The following CRTAC1 variants were observed in gnomAD, a reference collection of about 807,000 sequenced individuals.
CRTAC1 encodes cartilage acidic protein 1.
CRTAC1 carries 37 observed loss-of-function variants against 67.8 expected under a neutral mutation model. That is an observed-to-expected ratio of 0.55 (90% CI 0.42 to 0.72). CRTAC1 has a LOEUF of 0.72. CRTAC1 is among the 30% of genes least tolerant of loss of function. The probability of loss-of-function intolerance (pLI) is 0.00; values close to 1 mark genes in which losing one functional copy is unlikely to be tolerated. For missense variants in CRTAC1, 780 were observed against 931.6 expected (o/e 0.84, Z 2.12); for synonymous variants, 348 against 371.0 (o/e 0.94, Z 0.71).
At chr10:97,910,650 C>T (rs184327500) in intron 5 of CRTAC1, among the ~76,000 whole-genome samples, 2 of 152,216 alleles carry the variant, frequency 1.3e-5, no homozygotes, top group African/African-American at 2.4e-5. Flanking sequence ...AGTGACCATG[C>T]TTATTTGAGA....
intron 3 of CRTAC1, among the ~76,000 whole-genome samples, chr10:97,928,572 G>A (rs1235956070): frequency 1.3e-5 from 2 of 152,212 alleles, no homozygotes; most frequent in Non-Finnish European, 2.9e-5. Flanking sequence ...GAGAAAGAAG[G>A]GGACTTGCCT....
intron 4 of CRTAC1, 105 bp from the exon 5 acceptor site, chr10:97,917,761 G>T: frequency 1.1e-6 from 1 of 904,896 alleles, no homozygotes; most frequent in Non-Finnish European, 1.6e-6. Context: ...ACAGGGTTGG[G>T]TTCTTCTCCC....
chr10:98,001,804 A>G (rs1446218758), intron 2 of CRTAC1, among the ~76,000 whole-genome samples: 1 of 152,224 alleles, frequency 6.6e-6, no homozygotes. Context: ...TAACCTCAAA[A>G]GTTTCCTTAG....
chr10:97,865,586 C>A lies in CRTAC1; in HGVS notation c.1948G>T (p.Gly650Trp), dbSNP rs911217411. The change falls in exon 15 of 15, where the codon GGG becomes TGG. Residue 650 changes from glycine (G) to tryptophan (W), a missense_variant. Coordinates refer to ENST00000370597, the MANE Select transcript of CRTAC1 (RefSeq NM_018058.7). ...PVLVDGDLNLGSVVKESCEPS... is the reference protein window; with the variant it reads ...PVLVDGDLNLWSVVKESCEPS... ...TCGCAGCTCTCCTTAACCACCGACC[C>A]CAGATTGAGATCTCCATCTACGAGG... The A allele has an allele frequency of 1.9e-6, 3 of 1,613,194 alleles. No individual in the cohort carries two copies. The highest frequency in any genetic ancestry group is 2.7e-5 in the African/African-American group (2 of 75,060).
chr10:97,971,271 T>C (rs1328182551), intron 2 of CRTAC1, among the ~76,000 whole-genome samples: 4 of 152,334 alleles, frequency 2.6e-5, no homozygotes, highest in Admixed American at 2.6e-4. Context: ...CCCCAATGGA[T>C]GAATGCATAA....
Position 97,895,374 on chromosome 10 carries a change from G to A in CRTAC1, c.1357C>T (p.Arg453Trp), listed in dbSNP as rs777954404. 1.5e-5 allele frequency: 24 copies of A among 1,612,524 alleles called. No homozygotes were observed. The highest frequency in any genetic ancestry group is 2.0e-5 in the Non-Finnish European group (24 of 1,179,488). Residue 453 changes from arginine to tryptophan, a missense_variant, in exon 11 of 15, where the codon CGG becomes TGG. Physicochemically the swap from Arg to Trp is moderately radical, Grantham distance 101 (BLOSUM62 -3). Coordinates refer to ENST00000370597, the MANE Select transcript of CRTAC1 (RefSeq NM_018058.7). The surrounding 1 kb of genome is among the most constrained non-coding windows in gnomAD (Gnocchi z 4.2). ...GCTCCCCTGGCAAAGGCCCCAAACCGGGTGCGTGGCACCACTCGCAGCCAG... is the reference window on the plus strand; with the variant it reads ...GCTCCCCTGGCAAAGGCCCCAAACCAGGTGCGTGGCACCACTCGCAGCCAG... ...NNWLRVVPRT[R>W]FGAFARGAKV... is the part of the protein sequence containing the mutation.
chr10:97,906,863 C>T (rs1481022260), intron 6 of CRTAC1, among the ~76,000 whole-genome samples: 1 of 152,188 alleles, frequency 6.6e-6, no homozygotes, highest in Non-Finnish European at 1.5e-5. Context: ...TCCAAGAGAA[C>T]AGACTGGCAC....
At chr10:97,899,370 T>G (rs2050502462) in intron 8 of CRTAC1, among the ~76,000 whole-genome samples, 3 of 152,190 alleles carry the variant, frequency 2.0e-5, no homozygotes, top group South Asian at 4.1e-4. Flanking sequence ...TGCCTTGTCC[T>G]TCCACCCAGC....
At chr10:97,987,593 G>A (rs573938175) in intron 2 of CRTAC1, among the ~76,000 whole-genome samples, 190 of 152,354 alleles carry the variant, frequency 1.2e-3, no homozygotes, top group Middle Eastern at 6.8e-3. Context: ...TTTTCCCTGT[G>A]AGCGGCGTTT....
chr10:97,882,800 T>C lies in CRTAC1; in HGVS notation c.1661A>G (p.Asn554Ser), dbSNP rs779483884. The change falls in exon 13 of 15, where the codon AAT becomes AGT. Residue 554 changes from asparagine to serine, a missense_variant. Asn to Ser is a conservative substitution (Grantham distance 46). Coordinates refer to ENST00000370597, the MANE Select transcript of CRTAC1 (RefSeq NM_018058.7). ...AGGCAACTCACCCATGCAATGGCCA[T>C]TTTCCTGCTGGGAGAATCCTTGGCC... ...ECGQGFSQQENGHCMDTNECI... is the reference protein window; with the variant it reads ...ECGQGFSQQESGHCMDTNECI... 2 of 1,614,100 alleles carry C rather than the reference T, an allele frequency of 1.2e-6. No homozygotes were observed. Among genetic ancestry groups the C allele is most frequent in the East Asian group, 2.2e-5 (1 of 44,872 alleles).
chr10:97,951,561 A>T (rs565762789), intron 2 of CRTAC1, among the ~76,000 whole-genome samples: 1 of 152,282 alleles, frequency 6.6e-6, no homozygotes, highest in Admixed American at 6.5e-5. Flanking sequence ...AGGGATAGAA[A>T]ATGTTGTGTG....
intron 1 of CRTAC1, among the ~76,000 whole-genome samples, chr10:98,022,629 G>A (rs975763014): frequency 1.3e-5 from 2 of 151,690 alleles, no homozygotes; most frequent in Non-Finnish European, 1.5e-5. Flanking sequence ...GGAGAGAGAA[G>A]AGGGGAGGGT....
Position 97,895,372 on chromosome 10 carries a change from C to T in CRTAC1, c.1359G>A (p.Arg453=). 2 of 1,612,924 alleles carry T rather than the reference C, an allele frequency of 1.2e-6. No homozygotes were observed. Among genetic ancestry groups the T allele is most frequent in the Non-Finnish European group, 1.7e-6 (2 of 1,179,590 alleles). ...TAGCTCCCCTGGCAAAGGCCCCAAA[C>T]CGGGTGCGTGGCACCACTCGCAGCC... ...NNWLRVVPRT[R]FGAFARGAKV... The change falls in exon 11 of 15, where the codon CGG becomes CGA. Residue 453 remains arginine, a synonymous_variant. Transcript: ENST00000370597. This position sits in a 1 kb window ranked among gnomAD's most constrained non-coding sequence, Gnocchi z 4.2.
At chr10:97,984,911 GCC>G (rs934151015) in intron 2 of CRTAC1, among the ~76,000 whole-genome samples, 5 of 152,248 alleles carry the variant, frequency 3.3e-5, no homozygotes, top group Non-Finnish European at 5.9e-5. Flanking sequence ...CCTTCTGACA[GCC>G]TAGCTCTGGT....
intron 14 of CRTAC1, among the ~76,000 whole-genome samples, chr10:97,875,358 G>C (rs2050134939): frequency 6.6e-6 from 1 of 152,226 alleles, no homozygotes; most frequent in Non-Finnish European, 1.5e-5. Flanking sequence ...TGCTTTCCTG[G>C]AGGATGTTTT....
chr10:97,926,764 T>A (rs2050926897), intron 3 of CRTAC1, among the ~76,000 whole-genome samples: 1 of 152,192 alleles, frequency 6.6e-6, no homozygotes, highest in Non-Finnish European at 1.5e-5. Flanking sequence ...TTCAGAGGGT[T>A]CTGGATTTCA....
At chr10:97,917,720 T>C (rs2050779809) in intron 4 of CRTAC1, 64 bp from the exon 5 acceptor site, 1 of 1,338,234 alleles carries the variant, frequency 7.5e-7, no homozygotes, top group East Asian at 2.6e-5. Context: ...AACCGCCCCC[T>C]CCCCACCCCA....
intron 14 of CRTAC1, chr10:97,866,007 C>T (rs1164761071): frequency 2.6e-5 from 10 of 384,392 alleles, no homozygotes; most frequent in Non-Finnish European, 4.2e-5. Context: ...ACAACCTAGG[C>T]GGCCCCTCTC....
chr10:98,018,199 C>CAAAAAAAAAA (rs71007373), intron 1 of CRTAC1, among the ~76,000 whole-genome samples: 5 of 48,654 alleles, frequency 1.0e-4, no homozygotes, highest in African/African-American at 2.9e-4. Flanking sequence ...AAGATGCCCG[C>CAAAAAAAAAA]AAAAAAAAAA....
Sources: allele counts gnomAD v4.1 joint callset (sites outside exome capture counted in the v4.1 genomes callset), GRCh38; gene constraint gnomAD v4.1.1; non-coding constraint Gnocchi (gnomAD v3.1); transcripts MANE v1.5; gene names NCBI Gene and HGNC (gene_info 2026-07-23, HGNC 2026-07-21).